Variants in NHSL2 observed in about 807,000 individuals in gnomAD.
NHSL2 encodes NHS like 2.
In NHSL2, 27 loss-of-function variants were observed where a neutral mutation model predicts 53.4. The observed-to-expected ratio is 0.51, with a 90% CI of 0.37 to 0.70. The LOEUF is 0.70. Among genes scored for constraint, NHSL2 ranks in the 30% least tolerant of loss-of-function variants. The probability of loss-of-function intolerance (pLI) is 0.00; values close to 1 mark genes in which losing one functional copy is unlikely to be tolerated. For synonymous variants in NHSL2, 408 were observed against 404.1 expected (o/e 1.01, Z -0.12); for missense variants, 892 against 980.1 (o/e 0.91, Z 1.20).
At chrX:71,958,916 A>G (rs759548758) in intron 1 of NHSL2, among the ~76,000 whole-genome samples, 2 of 112,291 alleles carry the variant, frequency 1.8e-5, no homozygotes, top group African/African-American at 3.2e-5. Context: ...TGCAGATAGG[A>G]AGGTGAAATT....
At chrX:71,931,159 A>G (rs1448735578) in intron 1 of NHSL2, among the ~76,000 whole-genome samples, 2 of 112,214 alleles carry the variant, frequency 1.8e-5, no homozygotes, top group African/African-American at 3.2e-5. Flanking sequence ...GGCCATTTGT[A>G]TGTCTTTTTA....
intron 1 of NHSL2, among the ~76,000 whole-genome samples, chrX:71,972,866 TTGTGTG>T (rs372160139): frequency 1.8e-3 from 167 of 93,799 alleles, no homozygotes; most frequent in African/African-American, 5.9e-3. Flanking sequence ...ATCTTTATTG[TTGTGTG>T]TGTGTGTGTG....
At chrX:71,983,995 C>A (rs752880175) in intron 1 of NHSL2, among the ~76,000 whole-genome samples, 5 of 111,617 alleles carry the variant, frequency 4.5e-5, no homozygotes, top group Admixed American at 3.8e-4. Flanking sequence ...GACCGCAGCC[C>A]AGCAGGTCTC....
chrX:71,954,664 C>T (rs2041835056), intron 1 of NHSL2, among the ~76,000 whole-genome samples: 1 of 111,711 alleles, frequency 9.0e-6, no homozygotes, highest in Non-Finnish European at 1.9e-5. Flanking sequence ...TTGCCTTCTG[C>T]GCCCTGACCC....
At chrX:72,121,543 G>T (rs2042181470) in intron 1 of NHSL2, among the ~76,000 whole-genome samples, 1 of 111,535 alleles carries the variant, frequency 9.0e-6, no homozygotes, top group Non-Finnish European at 1.9e-5. Flanking sequence ...CCCCACCCTG[G>T]GCTGCTGACT....
At chrX:71,925,235 A>G (rs896957075) in intron 1 of NHSL2, among the ~76,000 whole-genome samples, 1 of 111,706 alleles carries the variant, frequency 9.0e-6, no homozygotes, top group African/African-American at 3.3e-5. Context: ...AGGATATACC[A>G]GTGCCAAATT....
chrX:72,144,465 T>C lies in NHSL2; in HGVS notation c.*891T>C, dbSNP rs187063670. ...TGCATTCTAAGAACTCTCATTTCAT[T>C]TGCATATAAAATTCATTACAGGAAG... On this transcript the variant is annotated 3_prime_UTR_variant, in exon 8 of 8. Transcript: ENST00000633930. 24 of 924,916 alleles carry C rather than the reference T, an allele frequency of 2.6e-5. No individual in the cohort carries two copies. In the African/African-American group the frequency reaches 4.3e-4, roughly 16 times the overall value. 76.2% of individuals were successfully genotyped at this position (924,916 alleles called of 1,213,427 possible). A position where few individuals can be genotyped will look rare whatever the true frequency, so the allele number is the denominator to read the frequency against.
chrX:72,082,903 A>G (rs181390560), intron 1 of NHSL2, among the ~76,000 whole-genome samples: 1 of 112,105 alleles, frequency 8.9e-6, no homozygotes, highest in East Asian at 2.8e-4. Context: ...TCTGTACTCC[A>G]GCCTTGCAGA....
At chrX:72,057,009 C>A (rs868323588) in intron 1 of NHSL2, among the ~76,000 whole-genome samples, 21 of 112,390 alleles carry the variant, frequency 1.9e-4, no homozygotes, top group African/African-American at 6.8e-4. Context: ...ACTTCAGACA[C>A]CAGGAGGCCA....
intron 1 of NHSL2, among the ~76,000 whole-genome samples, chrX:72,082,283 G>T (rs758061867): frequency 3.6e-5 from 4 of 111,358 alleles, no homozygotes; most frequent in African/African-American, 1.3e-4. Flanking sequence ...CGAGGGTGGG[G>T]AAGGAAGCAA....
intron 1 of NHSL2, among the ~76,000 whole-genome samples, chrX:72,113,403 T>C (rs1033738797): frequency 9.0e-5 from 10 of 111,387 alleles, no homozygotes; most frequent in African/African-American, 3.3e-4. Context: ...AGACCCCTAT[T>C]GACTTCAGTA....
intron 7 of NHSL2, 32 bp downstream of exon 7, chrX:72,142,396 A>G (rs1569484692): frequency 3.8e-6 from 4 of 1,050,977 alleles, no homozygotes; most frequent in Non-Finnish European, 5.1e-6. Flanking sequence ...TCTAATTGCA[A>G]TTGCCTTCCC....
intron 1 of NHSL2, among the ~76,000 whole-genome samples, chrX:71,973,962 A>C (rs1030424920): frequency 1.8e-4 from 20 of 111,668 alleles, no homozygotes; most frequent in African/African-American, 6.5e-4. Flanking sequence ...CTTCTGTAAC[A>C]TGGAGCTGGT....
In NHSL2 at chrX:72,143,293, G is replaced by T. The variant is rs889694797; in HGVS notation, c.3397G>T (p.Ala1133Ser). The T allele has an allele frequency of 4.3e-6, 5 of 1,165,779 alleles. No individual in the cohort carries two copies. The highest frequency in any genetic ancestry group is 5.7e-6 in the Non-Finnish European group (5 of 871,763). The change falls in exon 8 of 8, where the codon GCC becomes TCC. Residue 1133 changes from alanine (A) to serine (S), a missense_variant. Transcript: ENST00000633930. Reference protein sequence around the residue: ...KLLGWKEPGEAFVGGRTSSHS... With the variant: ...KLLGWKEPGESFVGGRTSSHS... ...GCTCGGCTGGAAGGAACCTGGTGAG[G>T]CCTTTGTGGGTGGCAGAACGAGTTC...
intron 1 of NHSL2, among the ~76,000 whole-genome samples, chrX:71,976,902 G>A (rs1426799248): frequency 8.9e-6 from 1 of 112,791 alleles, no homozygotes; most frequent in Non-Finnish European, 1.9e-5. Flanking sequence ...ATCTGAAAGA[G>A]TGGTGTAACC....
At chrX:71,952,124 T>C (rs2041823808) in intron 1 of NHSL2, among the ~76,000 whole-genome samples, 1 of 112,448 alleles carries the variant, frequency 8.9e-6, no homozygotes, top group Admixed American at 9.4e-5. Context: ...ATCAAGCAGT[T>C]CTATGCCTTC....
chrX:72,085,614 A>G (rs916608475), intron 1 of NHSL2, among the ~76,000 whole-genome samples: 1 of 111,895 alleles, frequency 8.9e-6, no homozygotes, highest in Admixed American at 9.5e-5. Flanking sequence ...TCAAAAAAGC[A>G]AAACTTTCTT....
chrX:72,076,243 TATATTATATATGGTCATGC>T (rs2147414030), intron 1 of NHSL2, among the ~76,000 whole-genome samples: 1 of 111,485 alleles, frequency 9.0e-6, no homozygotes, highest in East Asian at 2.8e-4. Context: ...GAACACAGTG[TATATTATATATGGTCATGC>T]ATATTATTAT....
chrX:72,131,600 G>GCGGCC, intron 1 of NHSL2: 1 of 1,088,023 alleles, frequency 9.2e-7, no homozygotes, highest in Non-Finnish European at 1.2e-6. Context: ...GGAACTACGG[G>GCGGCC]CGGCCGGAGG....
Sources: allele counts gnomAD v4.1 joint callset (sites outside exome capture counted in the v4.1 genomes callset), GRCh38; gene constraint gnomAD v4.1.1; transcripts MANE v1.5; gene names NCBI Gene and HGNC (gene_info 2026-07-23, HGNC 2026-07-21).